RPSA2: variants seen among roughly 807,000 people sequenced by gnomAD.
RPSA2 encodes the protein small ribosomal subunit protein uS2B.
chr19:23,859,796 T>C, the RPSA2 span, among the ~76,000 whole-genome samples: 246 of 152,318 alleles, frequency 1.6e-3, no homozygotes, highest in African/African-American at 5.8e-3. Flanking sequence ...AGGTTCAATA[T>C]TTTTGAAAGA....
chr19:23,855,434 G>T, the RPSA2 span, among the ~76,000 whole-genome samples: 1 of 152,180 alleles, frequency 6.6e-6, no homozygotes, highest in Non-Finnish European at 1.5e-5. Flanking sequence ...TTTTAAAAAC[G>T]TAAGATTGAG....
the RPSA2 span, among the ~76,000 whole-genome samples, chr19:23,834,032 A>G: frequency 2.0e-5 from 3 of 152,090 alleles, no homozygotes; most frequent in African/African-American, 7.2e-5. Context: ...CAGGTGCAGT[A>G]AAGATGAAAG....
At chr19:23,810,897 G>A in the RPSA2 span, among the ~76,000 whole-genome samples, 1 of 152,026 alleles carries the variant, frequency 6.6e-6, no homozygotes, top group Admixed American at 6.6e-5. Context: ...TAGTCCTGTA[G>A]TTTGCCACCT....
chr19:23,795,672 C>T, the RPSA2 span, among the ~76,000 whole-genome samples: 1 of 151,996 alleles, frequency 6.6e-6, no homozygotes, highest in Non-Finnish European at 1.5e-5. Flanking sequence ...TTGTCTTTTG[C>T]CTGATTGCTC....
At chr19:23,853,533 A>G in the RPSA2 span, among the ~76,000 whole-genome samples, 1 of 152,248 alleles carries the variant, frequency 6.6e-6, no homozygotes, top group South Asian at 2.1e-4. Flanking sequence ...ATTAGGAGGC[A>G]TGGCATTGGC....
At chr19:23,761,009 A>ATGTGTG in the RPSA2 span, among the ~76,000 whole-genome samples, 6 of 148,562 alleles carry the variant, frequency 4.0e-5, no homozygotes, top group Admixed American at 6.8e-5. Context: ...GTATAAATAT[A>ATGTGTG]TGTGTGTATA....
chr19:23,775,264 A>G, the RPSA2 span, among the ~76,000 whole-genome samples: 1 of 152,204 alleles, frequency 6.6e-6, no homozygotes, highest in Non-Finnish European at 1.5e-5. Context: ...TTACAGGTGG[A>G]TGCAGTGCAG....
At chr19:23,822,178 T>C in the RPSA2 span, among the ~76,000 whole-genome samples, 3 of 152,210 alleles carry the variant, frequency 2.0e-5, no homozygotes, top group South Asian at 2.1e-4. Flanking sequence ...CTTATATTGA[T>C]TGCCTTTTTT....
the RPSA2 span, among the ~76,000 whole-genome samples, chr19:23,851,954 C>A: frequency 6.6e-6 from 1 of 152,228 alleles, no homozygotes; most frequent in Admixed American, 6.5e-5. Context: ...AAATTTGGAT[C>A]AAATCCGGAA....
chr19:23,857,204 A>G, the RPSA2 span, among the ~76,000 whole-genome samples: 1 of 152,204 alleles, frequency 6.6e-6, no homozygotes, highest in Non-Finnish European at 1.5e-5. Context: ...TATTGTTCAA[A>G]CACACGTTTT....
At chr19:23,828,936 GAC>G in the RPSA2 span, among the ~76,000 whole-genome samples, 54,376 of 148,120 alleles carry the variant, frequency 0.37, 10,136 homozygotes, top group Non-Finnish European at 0.43. Flanking sequence ...CCTAATGTGA[GAC>G]ACACACACAC....
the RPSA2 span, among the ~76,000 whole-genome samples, chr19:23,767,017 A>G: frequency 6.6e-6 from 1 of 151,802 alleles, no homozygotes; most frequent in African/African-American, 2.4e-5. Context: ...CGGTGGCATG[A>G]TCTCGGCTCA....
the RPSA2 span, among the ~76,000 whole-genome samples, chr19:23,838,408 G>T: frequency 2.0e-5 from 3 of 152,072 alleles, no homozygotes; most frequent in Non-Finnish European, 4.4e-5. Context: ...TTTTGGTTGT[G>T]TCTTTTCCTG....
the RPSA2 span, among the ~76,000 whole-genome samples, chr19:23,774,589 A>G: frequency 6.6e-6 from 1 of 152,226 alleles, no homozygotes; most frequent in African/African-American, 2.4e-5. Context: ...CCCTGACAAC[A>G]GAGCATTGTG....
At chr19:23,793,841 G>A in the RPSA2 span, among the ~76,000 whole-genome samples, 16 of 152,130 alleles carry the variant, frequency 1.1e-4, no homozygotes, top group African/African-American at 3.9e-4. Context: ...TGGGGTTACA[G>A]GTGTGAGCCA....
chr19:23,859,020 T>C, the RPSA2 span, among the ~76,000 whole-genome samples: 1 of 152,194 alleles, frequency 6.6e-6, no homozygotes. Context: ...CTCCTTTCTT[T>C]TGCCTATTAA....
At chr19:23,846,280 C>T in the RPSA2 span, among the ~76,000 whole-genome samples, 4 of 151,886 alleles carry the variant, frequency 2.6e-5, no homozygotes, top group East Asian at 5.8e-4. Flanking sequence ...TAAATCTATA[C>T]ATTTCAATGA....
the RPSA2 span, among the ~76,000 whole-genome samples, chr19:23,783,850 G>A: frequency 3.3e-5 from 5 of 152,176 alleles, no homozygotes; most frequent in Admixed American, 2.0e-4. Context: ...CCCACAGTGA[G>A]TCTTGTGACA....
At chr19:23,857,689 G>T in the RPSA2 span, among the ~76,000 whole-genome samples, 7 of 151,694 alleles carry the variant, frequency 4.6e-5, no homozygotes, top group African/African-American at 1.2e-4. Context: ...TAGAGACAGG[G>T]TTTCACCATA....
Sources: gnomAD v4.1 joint callset for allele counts (sites outside exome capture counted in the v4.1 genomes callset) on GRCh38, gnomAD v4.1.1 for gene constraint, MANE v1.5 for transcripts, NCBI Gene and HGNC (gene_info 2026-07-23, HGNC 2026-07-21) for gene names.